Variants in HDAC2 observed in about 807,000 individuals in gnomAD.
HDAC2 encodes the protein YY1-associated factor 1.
HDAC2 carries 5 observed loss-of-function variants against 68.5 expected under a neutral mutation model. The ratio of observed to expected loss-of-function variants is 0.07; its 90% CI spans 0.04 to 0.15. The LOEUF is 0.15. Among genes scored for constraint, HDAC2 ranks in the 10% least tolerant of loss-of-function variants. The pLI, the probability that HDAC2 is intolerant of heterozygous loss-of-function variation, is 1.00. For missense variants in HDAC2, 291 were observed against 600.8 expected (o/e 0.48, Z 5.39); for synonymous variants, 182 against 191.3 (o/e 0.95, Z 0.40).
chr6:113,941,743 G>T lies in HDAC2; in HGVS notation c.1401C>A (p.Ser467=). The change falls in exon 13 of 14, where the codon TCC becomes TCA. Residue 467 remains serine (S), a synonymous_variant. Coordinates refer to ENST00000519065, the MANE Select transcript of HDAC2 (RefSeq NM_001527.4). The part of the protein sequence containing the change: ...KKTDVKEEDK[S]KDNSGEKTDT... Reference sequence around the variant, plus strand: ...CTGTTTTTTCACCACTGTTGTCCTTGGATTTATCTTCTTCCTTAACGTCTA... The same window carrying T: ...CTGTTTTTTCACCACTGTTGTCCTTTGATTTATCTTCTTCCTTAACGTCTA... The T allele has an allele frequency of 7.0e-7, 1 of 1,438,754 alleles. No individual in the cohort carries two copies. The highest frequency in any genetic ancestry group is 9.5e-7 in the Non-Finnish European group (1 of 1,053,126). 89.1% of individuals were successfully genotyped at this position (1,438,754 alleles called of 1,614,324 possible).
intron 8 of HDAC2, chr6:113,946,668 A>G (rs1014748275): frequency 7.2e-5 from 11 of 152,132 alleles, no homozygotes; most frequent in African/African-American, 2.7e-4. Context: ...ATTAATTTTC[A>G]AAAACTTCAA....
rs1204846127 is a variant in HDAC2 at position 113,940,825 on chromosome 6, C to G, written c.*233G>C. Reference sequence around the variant, plus strand: ...GTTTTTTTGACATAATAACTCACATCAATTTTAAATACTATCACATAAAGC... The same window carrying G: ...GTTTTTTTGACATAATAACTCACATGAATTTTAAATACTATCACATAAAGC... On this transcript the variant is annotated 3_prime_UTR_variant, in exon 14 of 14. Transcript: ENST00000519065. The G allele has an allele frequency of 5.0e-6, 2 of 397,924 alleles. No individual in the cohort carries two copies. Among genetic ancestry groups the G allele is most frequent in the Non-Finnish European group, 8.9e-6 (2 of 223,840 alleles). The allele number at this position is 397,924 out of a possible 1,614,324, so 24.6% of individuals were successfully genotyped here.
At chr6:113,968,468 G>C (rs745468779) in intron 1 of HDAC2, 2 of 152,012 alleles carry the variant, frequency 1.3e-5, no homozygotes, top group Non-Finnish European at 2.9e-5. Context: ...TTTTGGATGA[G>C]GTCAGCACAC....
Position 113,949,107 on chromosome 6 carries a change from T to C in HDAC2, c.733-20A>G. 2 of 1,611,378 alleles carry C rather than the reference T, an allele frequency of 1.2e-6. No individual in the cohort carries two copies. The highest frequency in any genetic ancestry group is 1.3e-5 in the African/African-American group (1 of 74,982). ...GATAATCTACACACAAGATAACAAA[T>C]GTTAGCATCTCCAATAACATTCTGA... On this transcript the variant is annotated intron_variant, in intron 7 of 13. Coordinates refer to ENST00000519065, the MANE Select transcript of HDAC2 (RefSeq NM_001527.4).
chr6:113,961,496 G>A (rs894872531), intron 1 of HDAC2, among the ~76,000 whole-genome samples: 6 of 152,136 alleles, frequency 3.9e-5, no homozygotes, highest in Non-Finnish European at 7.4e-5. Context: ...TGCCAACAAG[G>A]CTAAGAAACA....
chr6:113,941,000 AT>A lies in HDAC2; in HGVS notation c.*57del. On this transcript the variant is annotated 3_prime_UTR_variant, in exon 14 of 14. Coordinates refer to ENST00000519065, the MANE Select transcript of HDAC2 (RefSeq NM_001527.4). ...AGCCAGAAGTCTTCAAAAAGAAAAC[AT>A]TTTCCTTTCAATATTTTCTTTTTAA... The A allele has an allele frequency of 7.3e-7, 1 of 1,368,298 alleles. No individual in the cohort carries two copies. Among genetic ancestry groups the A allele is most frequent in the Non-Finnish European group, 1.0e-6 (1 of 966,832 alleles). The allele number at this position is 1,368,298 out of a possible 1,614,324, so 84.8% of individuals were successfully genotyped here.
At position 113,971,045 on chromosome 6, in the gene HDAC2, G is replaced by T. The variant is rs998204390; in HGVS notation, c.-137C>A. Reference sequence around the variant, plus strand: ...ATAGTCCCGCGGGGAAGGGCAGGCCGGTGGGAGGAGAGGAGGGGGCGCCGG... The same window carrying T: ...ATAGTCCCGCGGGGAAGGGCAGGCCTGTGGGAGGAGAGGAGGGGGCGCCGG... On this transcript the variant is annotated 5_prime_UTR_variant, in exon 1 of 14. Transcript: ENST00000519065. 9 of 1,568,406 alleles carry T rather than the reference G, an allele frequency of 5.7e-6. No homozygotes were observed. Among genetic ancestry groups the T allele is most frequent in the Non-Finnish European group, 7.8e-6 (9 of 1,155,816 alleles).
chr6:113,942,953 A>G (rs552789780), intron 12 of HDAC2, among the ~76,000 whole-genome samples: 1 of 152,248 alleles, frequency 6.6e-6, no homozygotes, highest in South Asian at 2.1e-4. Flanking sequence ...TGGTCTAAGG[A>G]TATGTAACTC....
intron 1 of HDAC2, among the ~76,000 whole-genome samples, chr6:113,965,959 C>CTTG (rs1372038699): frequency 6.6e-6 from 1 of 152,172 alleles, no homozygotes; most frequent in Admixed American, 6.5e-5. Flanking sequence ...CCTTTAAGGA[C>CTTG]TTGTCAACAG....
chr6:113,949,459 G>C, intron 6 of HDAC2, 199 bp from the exon 7 acceptor site: 2 of 571,328 alleles, frequency 3.5e-6, no homozygotes, highest in Non-Finnish European at 6.3e-6. Flanking sequence ...AATATTTATA[G>C]ACTGCTTGTA....
intron 8 of HDAC2, chr6:113,947,105 C>T (rs1196372782): frequency 6.6e-6 from 1 of 151,964 alleles, no homozygotes; most frequent in Non-Finnish European, 1.5e-5. Context: ...TTTATTATTG[C>T]TACTAGAAAA....
intron 6 of HDAC2, among the ~76,000 whole-genome samples, chr6:113,951,138 C>T (rs1776404512): frequency 6.6e-6 from 1 of 152,152 alleles, no homozygotes; most frequent in South Asian, 2.1e-4. Context: ...AGCTGCTGCC[C>T]TTGTTAGACA....
chr6:113,967,993 C>T (rs562483819), intron 1 of HDAC2, among the ~76,000 whole-genome samples: 1 of 152,214 alleles, frequency 6.6e-6, no homozygotes, highest in South Asian at 2.1e-4. Context: ...CCCTTGGGAC[C>T]AACGTTTCAG....
At chr6:113,953,857 T>C (rs1332180358) in intron 5 of HDAC2, among the ~76,000 whole-genome samples, 1 of 152,268 alleles carries the variant, frequency 6.6e-6, no homozygotes, top group Non-Finnish European at 1.5e-5. Context: ...TTTTTATTAT[T>C]TTTTAAATGG....
At chr6:113,948,415 A>G (rs922633673) in intron 8 of HDAC2, 1 of 152,412 alleles carries the variant, frequency 6.6e-6, no homozygotes, top group Non-Finnish European at 1.5e-5. Context: ...AATGAATCTG[A>G]ACACATGAAG....
chr6:113,970,801 G>T, intron 1 of HDAC2, 56 bp downstream of exon 1: 1 of 1,465,852 alleles, frequency 6.8e-7, no homozygotes. Context: ...GACGGCAGCC[G>T]CGGAACCCAG....
chr6:113,955,219 C>CT (rs556132247), intron 5 of HDAC2, among the ~76,000 whole-genome samples: 315 of 146,116 alleles, frequency 2.2e-3, no homozygotes, highest in African/African-American at 5.9e-3. Context: ...ACTTCTAATT[C>CT]TTTTTTTTTT....
Position 113,970,995 on chromosome 6 carries a change from A to G in HDAC2, c.-87T>C, listed in dbSNP as rs777193171. The G allele has an allele frequency of 6.3e-6, 10 of 1,575,680 alleles. No homozygotes were observed. The highest frequency in any genetic ancestry group is 1.7e-4 in the Middle Eastern group (1 of 6,018). ...CCGCCGCGGCTCGGCCGGGAGAGAA[A>G]AGGGCTGAGGGAAACGTGGGGGCGA... On this transcript the variant is annotated 5_prime_UTR_variant, in exon 1 of 14. Transcript: ENST00000519065.
In HDAC2 at chr6:113,934,132, C is replaced by G. The variant is rs919411481; in HGVS notation, c.*6926G>C. 2.0e-5 allele frequency: 3 copies of G among 152,036 alleles called. No homozygotes were observed. Among genetic ancestry groups the G allele is most frequent in the African/African-American group, 7.2e-5 (3 of 41,394 alleles). The allele number at this position is 152,036 out of a possible 1,614,324, so 9.4% of individuals were successfully genotyped here. ...AACAACCAAGAAATAGATTTCATAC[C>G]TATTACACATAAAGATATAAAGGCA... On this transcript the variant is annotated 3_prime_UTR_variant, in exon 14 of 14. Transcript: ENST00000519065.
Sources: gnomAD v4.1 joint callset for allele counts (sites outside exome capture counted in the v4.1 genomes callset) on GRCh38, gnomAD v4.1.1 for gene constraint, MANE v1.5 for transcripts, NCBI Gene and HGNC (gene_info 2026-07-23, HGNC 2026-07-21) for gene names.